PCSK5: variants seen among roughly 807,000 people sequenced by gnomAD.
PCSK5 encodes the protein prohormone convertase 5.
Under a neutral mutation model 233.2 loss-of-function variants are expected in PCSK5, and 129 were observed. The ratio of observed to expected loss-of-function variants is 0.55; its 90% CI spans 0.48 to 0.64. PCSK5 has a LOEUF of 0.64. Among genes scored for constraint, PCSK5 ranks in the 30% least tolerant of loss-of-function variants. The pLI, the probability that PCSK5 is intolerant of heterozygous loss-of-function variation, is 0.00. For missense variants in PCSK5, 2,076 were observed against 2,430.1 expected, an observed-to-expected ratio of 0.85 and a Z score of 3.06; for synonymous variants, 825 against 879.2, an observed-to-expected ratio of 0.94 and a Z score of 1.09.
At chr9:76,043,470 A>C (rs975856827) in intron 5 of PCSK5, among the ~76,000 whole-genome samples, 32 of 151,868 alleles carry the variant, frequency 2.1e-4, no homozygotes, top group African/African-American at 7.7e-4. Context: ...GGCTGTTTTC[A>C]TTAACACTGA....
rs1830374207 is a variant in PCSK5 at position 76,358,927 on chromosome 9, G to T, written c.*5G>T. 1 of 1,609,560 alleles carries T rather than the reference G, an allele frequency of 6.2e-7. No homozygotes were observed. Among genetic ancestry groups the T allele is most frequent in the Non-Finnish European group, 8.5e-7 (1 of 1,177,718 alleles). ...AGTTACTCCTACTACCAGTAAACAG[G>T]CACTCCCCCACCAACACCACCATTC... On this transcript the variant is annotated 3_prime_UTR_variant, in exon 38 of 38. Transcript: ENST00000674117.
At chr9:76,050,623 C>T (rs1829588837) in intron 5 of PCSK5, among the ~76,000 whole-genome samples, 1 of 152,156 alleles carries the variant, frequency 6.6e-6, no homozygotes, top group Non-Finnish European at 1.5e-5. Context: ...CAAACCAGAA[C>T]AACTGGAGCA....
chr9:76,038,240 A>G (rs1828946331), intron 5 of PCSK5, among the ~76,000 whole-genome samples: 1 of 152,164 alleles, frequency 6.6e-6, no homozygotes. Context: ...TCAGGTTGTC[A>G]CATATCCTTT....
chr9:76,321,591 C>A lies in PCSK5; in HGVS notation c.4054C>A (p.His1352Asn), dbSNP rs761059652. The A allele has an allele frequency of 1.2e-6, 2 of 1,612,564 alleles. No individual in the cohort carries two copies. The highest frequency in any genetic ancestry group is 3.3e-5 in the Admixed American group (2 of 60,002). ...CGTGGCTGTGAAGGGGGTATGCAAGCATTGCCCAGAGATGTGTCAGGACTG... is the reference window on the plus strand; with the variant it reads ...CGTGGCTGTGAAGGGGGTATGCAAGAATTGCCCAGAGATGTGTCAGGACTG... ...RHVAVKGVCK[H>N]CPEMCQDCIH... The change falls in exon 31 of 38, where the codon CAT (histidine) becomes AAT (asparagine). Residue 1352 changes from histidine (H) to asparagine (N), a missense_variant. By Grantham distance (68) the His-to-Asn change is moderately conservative. Around this residue, in one of 6 missense-constraint regions of PCSK5, gnomAD observed 1,510 missense variants for 1,538.1 expected, o/e 0.98. Transcript: ENST00000674117.
intron 1 of PCSK5, among the ~76,000 whole-genome samples, chr9:75,896,186 G>A (rs1401266112): frequency 6.6e-6 from 1 of 152,102 alleles, no homozygotes; most frequent in African/African-American, 2.4e-5. Flanking sequence ...GGATAGTAGG[G>A]GAACCTTTGC....
rs190270202 is a variant in PCSK5 at position 75,902,560 on chromosome 9, A to T, written c.192+11187A>T. Among the ~76,000 whole-genome samples the T allele has an allele frequency of 3.2e-4, 48 of 152,336 alleles. 1 individual carries two copies. The Middle Eastern group carries it at 0.017, about 54-fold the overall frequency. Reference sequence around the variant, plus strand: ...CTACTAGCTAGAGTTGTTCTGCTCAATGATAAGGTCCAGGGTATGGAGATG... The same window carrying T: ...CTACTAGCTAGAGTTGTTCTGCTCATTGATAAGGTCCAGGGTATGGAGATG... On this transcript the variant is annotated intron_variant, in intron 1 of 37. Transcript: ENST00000674117.
chr9:76,288,493 G>A (rs1287767262), intron 24 of PCSK5, among the ~76,000 whole-genome samples: 1 of 152,180 alleles, frequency 6.6e-6, no homozygotes, highest in Non-Finnish European at 1.5e-5. Flanking sequence ...TAACTTCCCT[G>A]TAATCTCAGC....
chr9:76,172,907 T>C (rs926205505), intron 13 of PCSK5, among the ~76,000 whole-genome samples: 1 of 152,202 alleles, frequency 6.6e-6, no homozygotes, highest in Non-Finnish European at 1.5e-5. Context: ...ATAAACCGAT[T>C]GTACTGGTCC....
chr9:76,274,845 C>G (rs1367174778), intron 24 of PCSK5, among the ~76,000 whole-genome samples: 2 of 152,124 alleles, frequency 1.3e-5, no homozygotes, highest in Non-Finnish European at 2.9e-5. Flanking sequence ...GCAGGCTGTA[C>G]AAGAGCATGG....
intron 20 of PCSK5, among the ~76,000 whole-genome samples, chr9:76,197,961 A>T (rs1185712282): frequency 6.6e-6 from 1 of 152,240 alleles, no homozygotes. Context: ...ATTTCACTGT[A>T]GCTCATTAGA....
chr9:76,096,171 C>T (rs1831499073), intron 8 of PCSK5, 69 bp downstream of exon 8: 5 of 848,332 alleles, frequency 5.9e-6, no homozygotes, highest in Admixed American at 2.1e-5. Flanking sequence ...AAAGGGAGAA[C>T]CATAAACATA....
At chr9:75,977,072 C>T (rs983696497) in intron 2 of PCSK5, among the ~76,000 whole-genome samples, 3 of 152,122 alleles carry the variant, frequency 2.0e-5, no homozygotes, top group Non-Finnish European at 4.4e-5. Flanking sequence ...CAAACCTAGG[C>T]CTTTGCAGTT....
chr9:75,912,046 A>G (rs1822762202), intron 1 of PCSK5, among the ~76,000 whole-genome samples: 1 of 152,198 alleles, frequency 6.6e-6, no homozygotes, highest in Non-Finnish European at 1.5e-5. Context: ...GGTAAGTCAG[A>G]TAGTGGTAAG....
intron 3 of PCSK5, among the ~76,000 whole-genome samples, chr9:76,023,062 G>A (rs994247636): frequency 3.3e-5 from 5 of 152,188 alleles, no homozygotes; most frequent in Non-Finnish European, 7.3e-5. Flanking sequence ...AAATTATAAA[G>A]TCTATGTTCT....
rs542053394 is a variant in PCSK5, at chr9:76,121,592, C to A, written c.1209-12517C>A. On this transcript the variant is annotated intron_variant, in intron 9 of 37. Transcript: ENST00000674117. ...AGTAAACGGAGAGTCAAGCTTTTAACCCACGTTGGTTTGACCTTGAAACTG... is the reference window on the plus strand; with the variant it reads ...AGTAAACGGAGAGTCAAGCTTTTAAACCACGTTGGTTTGACCTTGAAACTG... 5.3e-4 allele frequency among the ~76,000 whole-genome samples: 80 copies of A among 152,238 alleles called. No homozygotes were observed. In the South Asian group the frequency reaches 0.015, roughly 28 times the overall value.
Position 76,328,054 on chromosome 9 carries a change from C to A in PCSK5, c.4385C>A (p.Thr1462Asn), listed in dbSNP as rs1314570782. Residue 1462 changes from threonine to asparagine, a missense_variant, in exon 33 of 38, where the codon ACC (threonine) becomes AAC (asparagine). Transcript: ENST00000674117. ...CLTCSSSGTC[T>N]TCQKGLIMNP... ...ACCTGCTCATCATCTGGGACCTGCA[C>A]CACCTGTCAGAAAGGCCTGATCATG... 1.2e-6 allele frequency: 2 copies of A among 1,612,716 alleles called. No homozygotes were observed. Among genetic ancestry groups the A allele is most frequent in the Non-Finnish European group, 1.7e-6 (2 of 1,179,824 alleles).
At chr9:76,141,981 G>A (rs1049288762) in intron 10 of PCSK5, among the ~76,000 whole-genome samples, 11 of 151,984 alleles carry the variant, frequency 7.2e-5, no homozygotes, top group Non-Finnish European at 1.3e-4. Flanking sequence ...CTACTTGAGC[G>A]GGGAGCGTGG....
intron 24 of PCSK5, among the ~76,000 whole-genome samples, chr9:76,264,623 A>T (rs1269292082): frequency 6.6e-6 from 1 of 152,204 alleles, no homozygotes. Context: ...CACTTCTCAA[A>T]AGAAGAAATA....
chr9:75,945,149 A>C (rs200223378), intron 2 of PCSK5, among the ~76,000 whole-genome samples: 2 of 150,790 alleles, frequency 1.3e-5, no homozygotes, highest in East Asian at 3.9e-4. Flanking sequence ...ACATATAAAA[A>C]TATAAGAATA....
Sources: allele counts gnomAD v4.1 joint callset (sites outside exome capture counted in the v4.1 genomes callset), GRCh38; gene constraint gnomAD v4.1.1; regional missense constraint gnomAD v4.1.1; transcripts MANE v1.5; gene names NCBI Gene and HGNC (gene_info 2026-07-23, HGNC 2026-07-21).